REPS1: variants seen among roughly 807,000 people sequenced by gnomAD.
REPS1 encodes ralBP1-associated Eps domain-containing protein 1.
REPS1 carries 39 observed loss-of-function variants against 100.9 expected under a neutral mutation model. That is an observed-to-expected ratio of 0.39 (90% CI 0.30 to 0.50). The LOEUF (loss-of-function observed/expected upper bound fraction) is 0.50, where lower values mean the gene tolerates loss of function less well. REPS1 is among the 20% of genes least tolerant of loss of function. The pLI is 0.86. For synonymous variants in REPS1, 324 were observed against 340.3 expected, an observed-to-expected ratio of 0.95 and a Z score of 0.53; for missense variants, 821 against 968.5, an observed-to-expected ratio of 0.85 and a Z score of 2.02.
At chr6:138,955,431 C>T (rs1034898758) in intron 1 of REPS1, among the ~76,000 whole-genome samples, 1 of 110,600 alleles carries the variant, frequency 9.0e-6, no homozygotes, top group African/African-American at 3.8e-5. Context: ...GAATTAAACC[C>T]TGTCTCTTTA....
intron 10 of REPS1, among the ~76,000 whole-genome samples, chr6:138,923,097 ATAATAT>A (rs1309530780): frequency 6.6e-6 from 1 of 152,220 alleles, no homozygotes; most frequent in African/African-American, 2.4e-5. Flanking sequence ...ATAGTTACAA[ATAATAT>A]TAACATTATA....
rs763056875 is a variant in REPS1 at position 138,903,784 on chromosome 6, GC to G, written c.*1279del. The G allele has an allele frequency of 3.9e-5, 6 of 152,124 alleles. No individual in the cohort carries two copies. Among genetic ancestry groups the G allele is most frequent in the Non-Finnish European group, 8.8e-5 (6 of 68,022 alleles). 9.4% of individuals were successfully genotyped at this position (152,124 alleles called of 1,614,324 possible). A position where few individuals can be genotyped will look rare whatever the true frequency, so the allele number is the denominator to read the frequency against. On this transcript the variant is annotated 3_prime_UTR_variant, in exon 20 of 20. Transcript: ENST00000450536. ...TACTGAAAGCCACTTGGAAACTTCAGCTGATGTATATTTTTACCTAGATATT... is the reference window on the plus strand; with the variant it reads ...TACTGAAAGCCACTTGGAAACTTCAGTGATGTATATTTTTACCTAGATATT...
At chr6:138,907,792 A>T (rs1779758309) in intron 18 of REPS1, among the ~76,000 whole-genome samples, 192 bp from the exon 19 acceptor site, 1 of 152,102 alleles carries the variant, frequency 6.6e-6, no homozygotes, top group Non-Finnish European at 1.5e-5. Flanking sequence ...GTTAAAAAAA[A>T]AAAAAGAAAT....
At chr6:138,948,872 T>C (rs998585658) in intron 1 of REPS1, among the ~76,000 whole-genome samples, 5 of 152,330 alleles carry the variant, frequency 3.3e-5, no homozygotes, top group African/African-American at 1.2e-4. Flanking sequence ...TAAGCAATTG[T>C]ATCACAACAA....
At chr6:138,927,527 C>T (rs1781213418) in intron 9 of REPS1, 1 of 152,094 alleles carries the variant, frequency 6.6e-6, no homozygotes, top group African/African-American at 2.4e-5. Context: ...GACAAAACTA[C>T]CCCATAAACC....
chr6:138,963,111 A>ATAAC lies in REPS1; in HGVS notation c.154-15202_154-15199dup, dbSNP rs201058490. On this transcript the variant is annotated intron_variant, in intron 1 of 19. Transcript: ENST00000450536. ...TGACACAGCAAGACTCTATCTCGAA[A>ATAAC]TAACTAACTAACTAACTAACTAAAT... Among the ~76,000 whole-genome samples the ATAAC allele has an allele frequency of 2.5e-3, 327 of 129,126 alleles. 1 individual carries two copies. Among genetic ancestry groups the ATAAC allele is most frequent in the African/African-American group, 7.6e-3 (242 of 31,866 alleles). The allele number at this position is 129,126 out of a possible 152,430, so 84.7% of individuals were successfully genotyped here. A position where few individuals can be genotyped will look rare whatever the true frequency, so the allele number is the denominator to read the frequency against.
chr6:138,947,630 T>A (rs1782726990), intron 2 of REPS1, among the ~76,000 whole-genome samples, 160 bp downstream of exon 2: 1 of 152,210 alleles, frequency 6.6e-6, no homozygotes, highest in Non-Finnish European at 1.5e-5. Flanking sequence ...TCTAGTATTT[T>A]CAAGTGAGAA....
At chr6:138,910,473 C>T (rs1379008530) in intron 17 of REPS1, among the ~76,000 whole-genome samples, 6 of 152,206 alleles carry the variant, frequency 3.9e-5, no homozygotes, top group Non-Finnish European at 7.3e-5. Context: ...CCCACTTCAG[C>T]CTGCCAAGTA....
intron 8 of REPS1, among the ~76,000 whole-genome samples, chr6:138,931,108 TTG>T (rs1217942865): frequency 6.6e-6 from 1 of 152,178 alleles, no homozygotes; most frequent in Non-Finnish European, 1.5e-5. Context: ...TACAATATCA[TTG>T]TGTCTGACCA....
chr6:138,973,966 A>T (rs1784466832), intron 1 of REPS1, among the ~76,000 whole-genome samples: 2 of 152,172 alleles, frequency 1.3e-5, no homozygotes. Flanking sequence ...TACAGTCAGG[A>T]AGCAGACAGG....
At chr6:138,944,730 G>A (rs1452256832) in intron 4 of REPS1, 108 bp from the exon 5 acceptor site, 2 of 1,078,906 alleles carry the variant, frequency 1.9e-6, no homozygotes, top group Non-Finnish European at 2.6e-6. Context: ...TTCCAAAATG[G>A]AATCTTTTCT....
intron 8 of REPS1, among the ~76,000 whole-genome samples, chr6:138,939,273 T>C (rs918650925): frequency 2.7e-5 from 4 of 147,920 alleles, no homozygotes; most frequent in African/African-American, 7.5e-5. Context: ...CCATATGCTG[T>C]GAGGGGGGAA....
At chr6:138,919,773 G>A (rs535699992) in intron 12 of REPS1, among the ~76,000 whole-genome samples, 1 of 152,238 alleles carries the variant, frequency 6.6e-6, no homozygotes, top group African/African-American at 2.4e-5. Flanking sequence ...TTTATTCACA[G>A]TATTAGTTAC....
intron 1 of REPS1, among the ~76,000 whole-genome samples, 177 bp from the exon 2 acceptor site, chr6:138,948,090 TC>T (rs1782756462): frequency 6.6e-6 from 1 of 152,184 alleles, no homozygotes; most frequent in Admixed American, 6.5e-5. Context: ...AAACAAAAAG[TC>T]ACTGCTTTGC....
At chr6:138,975,392 CATT>C (rs1435501488) in intron 1 of REPS1, among the ~76,000 whole-genome samples, 2 of 152,134 alleles carry the variant, frequency 1.3e-5, no homozygotes, top group Admixed American at 6.5e-5. Context: ...GTTGGGAAAG[CATT>C]ATTAAGTTCA....
At position 138,947,902 on chromosome 6, in the gene REPS1, A is replaced by C; in HGVS notation, c.165T>G (p.Leu55=). The change falls in exon 2 of 20, where the codon CTT becomes CTG. Residue 55 remains leucine, a synonymous_variant. Coordinates refer to ENST00000450536, the MANE Select transcript of REPS1 (RefSeq NM_001286611.2). ...PNDVVLQIME[L]CGATRLGYFG... ...AATAACCAAGTCTTGTTGCACCACAAAGCTCCATGATCTATAAAATAACAT... is the reference window on the plus strand; with the variant it reads ...AATAACCAAGTCTTGTTGCACCACACAGCTCCATGATCTATAAAATAACAT... 6.3e-7 allele frequency: 1 copy of C among 1,598,884 alleles called. No homozygotes were observed. The highest frequency in any genetic ancestry group is 8.5e-7 in the Non-Finnish European group (1 of 1,175,726).
chr6:138,985,814 T>C (rs9484218), intron 1 of REPS1, among the ~76,000 whole-genome samples: 22,593 of 152,236 alleles, frequency 0.15, 1,774 homozygotes, highest in African/African-American at 0.17. Flanking sequence ...GTGTCTGTCC[T>C]AAAAATTACA....
Position 138,987,709 on chromosome 6 carries a change from GC to G in REPS1, c.-28del, listed in dbSNP as rs1385933833. 1 of 1,526,190 alleles carries G rather than the reference GC, an allele frequency of 6.6e-7. No individual in the cohort carries two copies. The highest frequency in any genetic ancestry group is 2.1e-5 in the Admixed American group (1 of 48,752). The allele number at this position is 1,526,190 out of a possible 1,614,324, so 94.5% of individuals were successfully genotyped here. ...TTCGCCTCCGGCTCACGGCCGCCCC[GC>G]CCCGCATGCACTACTCGGGGCCCGG... is the stretch of plus-strand genomic sequence containing the variant. On this transcript the variant is annotated 5_prime_UTR_variant, in exon 1 of 20. An upstream open reading frame in the 5' UTR gains an earlier in-frame stop. Coordinates refer to ENST00000450536, the MANE Select transcript of REPS1 (RefSeq NM_001286611.2).
At chr6:138,958,408 T>C (rs1235243719) in intron 1 of REPS1, among the ~76,000 whole-genome samples, 2 of 152,226 alleles carry the variant, frequency 1.3e-5, no homozygotes, top group South Asian at 2.1e-4. Flanking sequence ...CCAGGATACA[T>C]GGCAGAACGT....
Sources: allele counts gnomAD v4.1 joint callset (sites outside exome capture counted in the v4.1 genomes callset), GRCh38; gene constraint gnomAD v4.1.1; transcripts MANE v1.5; gene names NCBI Gene and HGNC (gene_info 2026-07-23, HGNC 2026-07-21).